BCKDHB: variants seen among roughly 807,000 people sequenced by gnomAD.
The protein encoded by BCKDHB is branched chain keto acid dehydrogenase E1 subunit beta.
A neutral mutation model predicts 48.5 loss-of-function variants in BCKDHB; 41 were observed. That is an observed-to-expected ratio of 0.85 (90% CI 0.66 to 1.10). BCKDHB has a LOEUF of 1.10. Among genes scored for constraint, BCKDHB ranks in the 50% least tolerant of loss-of-function variants. BCKDHB has a pLI of 0.00. For missense variants in BCKDHB, 496 were observed against 494.2 expected (o/e 1.00, Z -0.03); for synonymous variants, 201 against 174.8 (o/e 1.15, Z -1.18).
intron 9 of BCKDHB, among the ~76,000 whole-genome samples, chr6:80,312,966 C>G (rs903576116): frequency 5.3e-5 from 8 of 152,062 alleles, no homozygotes; most frequent in Admixed American, 1.3e-4. Context: ...AGGAGTCCAT[C>G]CTTTTTGATT....
intron 9 of BCKDHB, among the ~76,000 whole-genome samples, chr6:80,321,286 A>G (rs940691827): frequency 2.0e-5 from 3 of 152,218 alleles, no homozygotes; most frequent in Admixed American, 1.3e-4. Flanking sequence ...CTGGATGGGA[A>G]GAGATCTAGA....
At chr6:80,382,074 C>T in the BCKDHB span, among the ~76,000 whole-genome samples, 14 of 152,042 alleles carry the variant, frequency 9.2e-5, no homozygotes, top group Non-Finnish European at 2.1e-4. Flanking sequence ...ATGACATATT[C>T]TGGGAAGAGG....
chr6:80,354,239 A>T, the BCKDHB span, among the ~76,000 whole-genome samples: 29 of 132,090 alleles, frequency 2.2e-4, no homozygotes, highest in African/African-American at 6.6e-4. Context: ...TTATTTATTT[A>T]TTTTTTTATA....
chr6:80,204,558 T>G (rs1264558397), intron 8 of BCKDHB, among the ~76,000 whole-genome samples: 2 of 152,088 alleles, frequency 1.3e-5, no homozygotes, highest in African/African-American at 2.4e-5. Flanking sequence ...GTATTTTTAG[T>G]GTAGATGGTG....
At chr6:80,324,512 A>G (rs1323501367) in intron 9 of BCKDHB, among the ~76,000 whole-genome samples, 1 of 150,938 alleles carries the variant, frequency 6.6e-6, no homozygotes, top group African/African-American at 2.5e-5. Flanking sequence ...AGGAAACACA[A>G]CATACCTGAG....
intron 8 of BCKDHB, among the ~76,000 whole-genome samples, chr6:80,263,006 C>G (rs1777368121): frequency 6.6e-6 from 1 of 152,106 alleles, no homozygotes; most frequent in Non-Finnish European, 1.5e-5. Context: ...GAAAATTACT[C>G]AGCTCTTTCC....
At chr6:80,272,963 G>A (rs936491510) in intron 8 of BCKDHB, among the ~76,000 whole-genome samples, 172 bp from the exon 9 acceptor site, 4 of 151,996 alleles carry the variant, frequency 2.6e-5, no homozygotes, top group Admixed American at 2.6e-4. Context: ...TCAAAAATCA[G>A]ATGACTGACC....
chr6:80,183,688 A>G (rs933033284), intron 6 of BCKDHB, among the ~76,000 whole-genome samples: 1 of 152,142 alleles, frequency 6.6e-6, no homozygotes, highest in African/African-American at 2.4e-5. Flanking sequence ...ATCTACCACT[A>G]TAATATCTTG....
At chr6:80,315,939 C>T (rs569146216) in intron 9 of BCKDHB, among the ~76,000 whole-genome samples, 7 of 152,180 alleles carry the variant, frequency 4.6e-5, no homozygotes, top group South Asian at 2.1e-4. Flanking sequence ...CTGTTTACAC[C>T]GCAATTTAGA....
intron 9 of BCKDHB, among the ~76,000 whole-genome samples, chr6:80,293,186 A>G (rs946638380): frequency 6.6e-6 from 1 of 152,192 alleles, no homozygotes; most frequent in African/African-American, 2.4e-5. Context: ...GGGGACTCCC[A>G]TGTTACATTT....
In BCKDHB at chr6:80,159,148, A is replaced by G. The variant is rs180874320; in HGVS notation, c.344-8530A>G. On this transcript the variant is annotated intron_variant, in intron 3 of 9. Coordinates refer to ENST00000320393, the MANE Select transcript of BCKDHB (RefSeq NM_183050.4). ...TGTTTGCCTAGAAATACCCAGTTTA[A>G]GCCTGTTGAAAATCAGTTAGCTTAG... Among the ~76,000 whole-genome samples, 17 of 152,318 alleles carry G rather than the reference A, an allele frequency of 1.1e-4. No homozygotes were observed. In the East Asian group the frequency reaches 3.3e-3, roughly 29 times the overall value.
chr6:80,116,787 C>G (rs999843866), intron 1 of BCKDHB, among the ~76,000 whole-genome samples: 1 of 152,164 alleles, frequency 6.6e-6, no homozygotes, highest in Admixed American at 6.5e-5. Flanking sequence ...ATGTAGCAGT[C>G]ATTTATTAGT....
At chr6:80,293,865 AC>A (rs1562209152) in intron 9 of BCKDHB, among the ~76,000 whole-genome samples, 1 of 152,136 alleles carries the variant, frequency 6.6e-6, no homozygotes. Flanking sequence ...GGAGCAAAAT[AC>A]CACCAGTCTC....
At chr6:80,331,660 C>A (rs1769321130) in intron 9 of BCKDHB, among the ~76,000 whole-genome samples, 1 of 152,212 alleles carries the variant, frequency 6.6e-6, no homozygotes, top group Non-Finnish European at 1.5e-5. Flanking sequence ...GTTCTGAATT[C>A]TACATCACTC....
intron 3 of BCKDHB, among the ~76,000 whole-genome samples, chr6:80,148,565 TATC>T (rs754038611): frequency 2.4e-4 from 36 of 152,272 alleles, no homozygotes; most frequent in Non-Finnish European, 4.1e-4. Context: ...TTATAGCAAT[TATC>T]ATGAGTCTTT....
intron 8 of BCKDHB, among the ~76,000 whole-genome samples, chr6:80,270,696 C>T (rs529399332): frequency 6.6e-6 from 1 of 152,022 alleles, no homozygotes; most frequent in Non-Finnish European, 1.5e-5. Context: ...CTCATTTTGT[C>T]AAGTATCTAA....
intron 9 of BCKDHB, among the ~76,000 whole-genome samples, chr6:80,310,954 T>C (rs1768121868): frequency 6.6e-6 from 1 of 152,222 alleles, no homozygotes; most frequent in African/African-American, 2.4e-5. Context: ...AGGTTCTTTT[T>C]TTCTTGTAAA....
intron 3 of BCKDHB, among the ~76,000 whole-genome samples, chr6:80,162,185 A>T (rs1341748708): frequency 1.3e-5 from 2 of 151,904 alleles, no homozygotes; most frequent in Non-Finnish European, 2.9e-5. Flanking sequence ...CCAGATGACT[A>T]TTTCATACTT....
the BCKDHB span, among the ~76,000 whole-genome samples, chr6:80,394,569 C>T: frequency 6.6e-6 from 1 of 152,032 alleles, no homozygotes; most frequent in African/African-American, 2.4e-5. Context: ...CTCTCATGAT[C>T]CTAGGCCACT....
Sources: allele counts gnomAD v4.1 joint callset (sites outside exome capture counted in the v4.1 genomes callset), GRCh38; gene constraint gnomAD v4.1.1; transcripts MANE v1.5; gene names NCBI Gene and HGNC (gene_info 2026-07-23, HGNC 2026-07-21).